Variants in AKAP19 observed in about 807,000 individuals in gnomAD.
AKAP19 encodes small A-kinase anchoring protein.
At chr2:190,104,646 C>A in the AKAP19 span, among the ~76,000 whole-genome samples, 10 of 152,000 alleles carry the variant, frequency 6.6e-5, no homozygotes, top group Non-Finnish European at 1.5e-4. Context: ...AAAAATTAAC[C>A]AGGCATGGTG....
the AKAP19 span, among the ~76,000 whole-genome samples, chr2:190,193,426 G>C: frequency 6.6e-6 from 1 of 152,000 alleles, no homozygotes; most frequent in Non-Finnish European, 1.5e-5. Flanking sequence ...AGAATAATTC[G>C]GGAAATCTTT....
At chr2:190,011,845 T>C in the AKAP19 span, among the ~76,000 whole-genome samples, 2 of 152,182 alleles carry the variant, frequency 1.3e-5, no homozygotes, top group East Asian at 3.8e-4. Context: ...TTTGCAATAG[T>C]ATTTGGAGAC....
At chr2:190,092,760 C>G in the AKAP19 span, among the ~76,000 whole-genome samples, 79 of 152,224 alleles carry the variant, frequency 5.2e-4, no homozygotes, top group African/African-American at 1.9e-3. Flanking sequence ...CCTTGCCAGT[C>G]CAGAATAATA....
chr2:189,993,095 A>G, the AKAP19 span, among the ~76,000 whole-genome samples: 1 of 152,216 alleles, frequency 6.6e-6, no homozygotes, highest in Non-Finnish European at 1.5e-5. Flanking sequence ...GTCTTGTTCC[A>G]GTTCCCTGGG....
chr2:189,949,634 T>TC, the AKAP19 span, among the ~76,000 whole-genome samples: 6 of 142,626 alleles, frequency 4.2e-5, no homozygotes, highest in East Asian at 4.1e-4. Flanking sequence ...TTTCTTTCTT[T>TC]TTTTTTTTTT....
chr2:189,909,112 CTTCT>C, the AKAP19 span, among the ~76,000 whole-genome samples: 7 of 151,866 alleles, frequency 4.6e-5, no homozygotes, highest in African/African-American at 1.7e-4. Context: ...ATATAATTAT[CTTCT>C]TTGTCTCTTT....
At chr2:190,038,986 CCT>C in the AKAP19 span, among the ~76,000 whole-genome samples, 188 of 117,744 alleles carry the variant, frequency 1.6e-3, no homozygotes, top group African/African-American at 4.7e-3. Context: ...TCTTCTTCTT[CCT>C]TTCTTTCTTC....
At chr2:190,189,082 G>T in the AKAP19 span, among the ~76,000 whole-genome samples, 1 of 152,174 alleles carries the variant, frequency 6.6e-6, no homozygotes, top group Admixed American at 6.6e-5. Flanking sequence ...AGTACCCAGA[G>T]ACCTGTTTGG....
the AKAP19 span, among the ~76,000 whole-genome samples, chr2:190,029,453 A>G: frequency 6.6e-6 from 1 of 152,228 alleles, no homozygotes; most frequent in Admixed American, 6.5e-5. Flanking sequence ...CTTTATATAA[A>G]GAAATACCAC....
chr2:190,008,137 A>G, the AKAP19 span, among the ~76,000 whole-genome samples: 2 of 152,240 alleles, frequency 1.3e-5, no homozygotes. Flanking sequence ...AATGTAACTG[A>G]AATATCTGTT....
At chr2:190,154,859 G>A in the AKAP19 span, among the ~76,000 whole-genome samples, 1 of 152,232 alleles carries the variant, frequency 6.6e-6, no homozygotes, top group African/African-American at 2.4e-5. Context: ...CAGGCTGTGA[G>A]GTGGACTGCC....
At chr2:189,890,540 T>A in the AKAP19 span, among the ~76,000 whole-genome samples, 1 of 152,158 alleles carries the variant, frequency 6.6e-6, no homozygotes, top group Non-Finnish European at 1.5e-5. Context: ...CCCACTATTA[T>A]TGTGTGGGAG....
the AKAP19 span, among the ~76,000 whole-genome samples, chr2:189,955,702 T>G: frequency 6.6e-6 from 1 of 152,244 alleles, no homozygotes; most frequent in Non-Finnish European, 1.5e-5. Flanking sequence ...AATTTGCATT[T>G]CTCTGATGAT....
chr2:189,959,904 C>T, the AKAP19 span, among the ~76,000 whole-genome samples: 11 of 151,956 alleles, frequency 7.2e-5, no homozygotes, highest in Non-Finnish European at 1.3e-4. Context: ...GGTATTATTA[C>T]TTATAATATT....
At chr2:190,109,281 A>T in the AKAP19 span, among the ~76,000 whole-genome samples, 2 of 152,192 alleles carry the variant, frequency 1.3e-5, no homozygotes, top group Non-Finnish European at 2.9e-5. Context: ...CTGTGGGTCC[A>T]ACATTTATTT....
At chr2:190,038,897 TTTCTTTCTTCTTCTTCTTCTTC>T in the AKAP19 span, among the ~76,000 whole-genome samples, 227 of 62,322 alleles carry the variant, frequency 3.6e-3, 6 homozygotes, top group East Asian at 5.0e-3. Flanking sequence ...TCTTTCTTTC[TTTCTTTCTTCTTCTTCTTCTTC>T]TTCTTCTTCT....
the AKAP19 span, among the ~76,000 whole-genome samples, chr2:189,992,219 C>A: frequency 6.6e-6 from 1 of 151,960 alleles, no homozygotes; most frequent in Non-Finnish European, 1.5e-5. Context: ...CCATGCCCAG[C>A]TAATTTTTGT....
At chr2:190,158,626 A>G in the AKAP19 span, among the ~76,000 whole-genome samples, 1 of 152,150 alleles carries the variant, frequency 6.6e-6, no homozygotes, top group Non-Finnish European at 1.5e-5. Flanking sequence ...GTTATCATTT[A>G]AGAGATTTTT....
the AKAP19 span, among the ~76,000 whole-genome samples, chr2:189,955,403 T>A: frequency 6.6e-6 from 1 of 152,234 alleles, no homozygotes; most frequent in Non-Finnish European, 1.5e-5. Flanking sequence ...GACTTTGCTA[T>A]TGTGAATAGG....
Sources: allele counts gnomAD v4.1 joint callset (sites outside exome capture counted in the v4.1 genomes callset), GRCh38; gene constraint gnomAD v4.1.1; transcripts MANE v1.5; gene names NCBI Gene and HGNC (gene_info 2026-07-23, HGNC 2026-07-21).